FCRL4: variants seen among roughly 807,000 people sequenced by gnomAD.
FCRL4 encodes the protein Fc receptor like 4, also known as Fc receptor-like protein 4.
In FCRL4, 43 loss-of-function variants were observed where a neutral mutation model predicts 64.1. That is an observed-to-expected ratio of 0.67 (90% CI 0.53 to 0.87). The LOEUF is 0.87. Ranked by LOEUF, FCRL4 falls within the 40% of genes least tolerant of loss-of-function variation. The pLI is 0.00. For synonymous variants in FCRL4, 253 were observed against 239.8 expected (o/e 1.05, Z -0.51); for missense variants, 656 against 613.5 (o/e 1.07, Z -0.73).
rs757126714 is a variant in FCRL4, at chr1:157,581,656, G to T, written c.1136-12C>A. Reference sequence around the variant, plus strand: ...GTTGCCTGGGGTCTCTAAGGGGAAAGGACCTGTGTGAATCTCAGTGGAGAG... The same window carrying T: ...GTTGCCTGGGGTCTCTAAGGGGAAATGACCTGTGTGAATCTCAGTGGAGAG... On this transcript the variant is annotated splice_polypyrimidine_tract_variant and intron_variant, in intron 6 of 11. Transcript: ENST00000271532. 1.8e-5 allele frequency: 29 copies of T among 1,605,448 alleles called. No homozygotes were observed. In the Admixed American group the frequency reaches 2.3e-4, roughly 13 times the overall value.
chr1:157,584,909 A>G (rs1652638929), intron 6 of FCRL4, among the ~76,000 whole-genome samples: 1 of 61,900 alleles, frequency 1.6e-5, no homozygotes, highest in South Asian at 9.3e-4. Flanking sequence ...GAAAACTTTA[A>G]AAAAGTATCT....
intron 6 of FCRL4, 112 bp downstream of exon 6, chr1:157,586,056 T>C (rs1652682045): frequency 2.7e-6 from 3 of 1,117,162 alleles, no homozygotes; most frequent in Non-Finnish European, 3.8e-6. Context: ...CAGTGGAGCA[T>C]GGCAAAATGG....
chr1:157,591,288 G>A (rs1352772556), intron 2 of FCRL4, among the ~76,000 whole-genome samples: 1 of 152,070 alleles, frequency 6.6e-6, no homozygotes, highest in African/African-American at 2.4e-5. Flanking sequence ...ATAGGGAAAA[G>A]TTTCTTCTGT....
Position 157,580,337 on chromosome 1 carries a change from A to G in FCRL4, c.1261T>C (p.Leu421=), listed in dbSNP as rs1222479148. ...AGGTCTCACCTGGTTTCGTCTCCCA[A>G]GAAACCAACTCCTGCAAAATAAAGC... The part of the protein sequence containing the change: ...WRRRKSGVGF[L]GDETRLPPAP... Residue 421 remains leucine (L), a synonymous_variant, in exon 8 of 12, where the codon TTG becomes CTG. Coordinates refer to ENST00000271532, the MANE Select transcript of FCRL4 (RefSeq NM_031282.3). 6.2e-7 allele frequency: 1 copy of G among 1,614,186 alleles called. No homozygotes were observed.
chr1:157,581,725 C>G (rs542711577), intron 6 of FCRL4, 81 bp from the exon 7 acceptor site: 1 of 1,108,776 alleles, frequency 9.0e-7, no homozygotes, highest in African/African-American at 1.6e-5. Flanking sequence ...GGTTGGGTAA[C>G]GAGCCCTGGA....
chr1:157,575,612 T>C lies in FCRL4; in HGVS notation c.1462-2A>G. 1.1e-5 allele frequency: 17 copies of C among 1,613,506 alleles called. No homozygotes were observed. The highest frequency in any genetic ancestry group is 1.4e-5 in the Non-Finnish European group (17 of 1,179,506). On this transcript the variant is annotated splice_acceptor_variant, in intron 11 of 11. Coordinates refer to ENST00000271532, the MANE Select transcript of FCRL4 (RefSeq NM_031282.3). LOFTEE classifies it high-confidence loss of function. ...CTCAGAGTAGACAACTGAGACATCC[T>C]GAAATGGAAGAAAGAAGTGGAAACC... is the stretch of plus-strand genomic sequence containing the variant.
In FCRL4 at chr1:157,598,020, T is replaced by TG; in HGVS notation, c.-77dup. 9.4e-7 allele frequency: 1 copy of TG among 1,066,228 alleles called. No individual in the cohort carries two copies. The highest frequency in any genetic ancestry group is 1.5e-6 in the Non-Finnish European group (1 of 688,014). The allele number at this position is 1,066,228 out of a possible 1,614,324, so 66.0% of individuals were successfully genotyped here. On this transcript the variant is annotated 5_prime_UTR_variant, in exon 1 of 12. Coordinates refer to ENST00000271532, the MANE Select transcript of FCRL4 (RefSeq NM_031282.3). ...CAGCCCAGATTGCCAAAGCAGCACT[T>TG]GCCTACACCAGCACCAGCAGTGAGC... is the stretch of plus-strand genomic sequence containing the variant.
At chr1:157,578,880 C>T in intron 8 of FCRL4, 28 bp from the exon 9 acceptor site, 4 of 1,557,494 alleles carry the variant, frequency 2.6e-6, no homozygotes, top group Non-Finnish European at 3.5e-6. Flanking sequence ...ACATAATAAT[C>T]CCTGGAACAC....
At chr1:157,586,511 G>A in intron 5 of FCRL4, 56 bp from the exon 6 acceptor site, 1 of 1,514,160 alleles carries the variant, frequency 6.6e-7, no homozygotes, top group Non-Finnish European at 8.9e-7. Context: ...GCAGGGCTAG[G>A]TAGCTGGGGT....
chr1:157,592,217 A>G (rs1652854608), intron 2 of FCRL4, among the ~76,000 whole-genome samples: 1 of 152,212 alleles, frequency 6.6e-6, no homozygotes, highest in African/African-American at 2.4e-5. Context: ...CACCAAAAGC[A>G]ATGTCAACAA....
chr1:157,581,930 C>T (rs1316277031), intron 6 of FCRL4, among the ~76,000 whole-genome samples: 1 of 152,182 alleles, frequency 6.6e-6, no homozygotes, highest in African/African-American at 2.4e-5. Context: ...TGGCTTCCTG[C>T]AAATTGCCCC....
chr1:157,583,726 G>A (rs1652613676), intron 6 of FCRL4, among the ~76,000 whole-genome samples: 2 of 152,218 alleles, frequency 1.3e-5, no homozygotes, highest in African/African-American at 4.8e-5. Flanking sequence ...AGTCCCTGGT[G>A]TTTGGTTATG....
At chr1:157,589,540 A>G (rs2101684756) in intron 2 of FCRL4, 82 bp from the exon 3 acceptor site, 11 of 1,537,008 alleles carry the variant, frequency 7.2e-6, no homozygotes, top group Non-Finnish European at 8.8e-6. Flanking sequence ...ACAGTGGAGG[A>G]CATGGCTTGG....
At position 157,578,857 on chromosome 1, in the gene FCRL4, G is replaced by C. The variant is rs1258777463; in HGVS notation, c.1278-5C>G. The stretch of plus-strand genomic sequence containing the variant: ...GGGCCTGGAGCGGGAGGGAGCCTGT[G>C]AGACACAGAAACACATAATAATCCC... On this transcript the variant is annotated splice_polypyrimidine_tract_variant and splice_region_variant and intron_variant, in intron 8 of 11. Coordinates refer to ENST00000271532, the MANE Select transcript of FCRL4 (RefSeq NM_031282.3). The C allele has an allele frequency of 3.7e-6, 6 of 1,609,684 alleles. No individual in the cohort carries two copies. The highest frequency in any genetic ancestry group is 2.2e-5 in the East Asian group (1 of 44,830).
Position 157,597,931 on chromosome 1 carries a change from G to T in FCRL4, c.14C>A (p.Ala5Glu), listed in dbSNP as rs370332576. ...TCACTTACCAAAGGCCAGCAAGGACGCCCACAGCAGCATGGAAGCCTGCTC... is the reference window on the plus strand; with the variant it reads ...TCACTTACCAAAGGCCAGCAAGGACTCCCACAGCAGCATGGAAGCCTGCTC... The part of the protein sequence containing the change: MLLW[A>E]SLLAFAPVCG... The change falls in exon 1 of 12, where the codon GCG becomes GAG. Residue 5 changes from alanine to glutamate, a missense_variant. By Grantham distance (107) the Ala-to-Glu change is moderately radical. Transcript: ENST00000271532. 3 of 1,612,958 alleles carry T rather than the reference G, an allele frequency of 1.9e-6. No individual in the cohort carries two copies. The highest frequency in any genetic ancestry group is 1.7e-5 in the Admixed American group (1 of 59,930).
chr1:157,597,251 G>C (rs973540646), intron 1 of FCRL4, among the ~76,000 whole-genome samples: 1 of 152,116 alleles, frequency 6.6e-6, no homozygotes, highest in African/African-American at 2.4e-5. Flanking sequence ...CACACTAATA[G>C]GTCTTCCCTT....
intron 2 of FCRL4, among the ~76,000 whole-genome samples, chr1:157,591,574 A>G (rs1379547455): frequency 6.6e-6 from 1 of 152,170 alleles, no homozygotes; most frequent in Non-Finnish European, 1.5e-5. Flanking sequence ...TTGTCATAAG[A>G]AATATATCCA....
At chr1:157,588,258 C>T in intron 3 of FCRL4, 139 bp from the exon 4 acceptor site, 1 of 949,454 alleles carries the variant, frequency 1.1e-6, no homozygotes. Flanking sequence ...GAAACTCCTC[C>T]TAAATCAGTG....
Position 157,591,711 on chromosome 1 carries a change from T to C in FCRL4, c.53-2253A>G, listed in dbSNP as rs114312107. Among the ~76,000 whole-genome samples the C allele has an allele frequency of 6.0e-3, 921 of 152,246 alleles. 9 individuals are homozygous for C. The highest frequency in any genetic ancestry group is 0.02 in the African/African-American group (834 of 41,544). ...GTAGGCCCTAAAATCTTTGAAGCATTTGTGGATAGAAACTGAAGAATTCAA... is the reference window on the plus strand; with the variant it reads ...GTAGGCCCTAAAATCTTTGAAGCATCTGTGGATAGAAACTGAAGAATTCAA... On this transcript the variant is annotated intron_variant, in intron 2 of 11. Coordinates refer to ENST00000271532, the MANE Select transcript of FCRL4 (RefSeq NM_031282.3).
Sources: allele counts gnomAD v4.1 joint callset (sites outside exome capture counted in the v4.1 genomes callset), GRCh38; gene constraint gnomAD v4.1.1; transcripts MANE v1.5; gene names NCBI Gene and HGNC (gene_info 2026-07-23, HGNC 2026-07-21).